Variants in NRG2 observed in about 807,000 individuals in gnomAD.
NRG2 encodes the protein pro-neuregulin-2, membrane-bound isoform.
In NRG2, 27 loss-of-function variants were observed where a neutral mutation model predicts 73.9. The observed-to-expected ratio is 0.37, with a 90% CI of 0.27 to 0.50. NRG2 has a LOEUF of 0.50. Ranked by LOEUF, NRG2 falls within the 20% of genes least tolerant of loss-of-function variation. NRG2 has a pLI of 0.96. For synonymous variants in NRG2, 532 were observed against 541.0 expected, an observed-to-expected ratio of 0.98 and a Z score of 0.23; for missense variants, 1,126 against 1,210.1, an observed-to-expected ratio of 0.93 and a Z score of 1.03.
chr5:139,960,573 A>G (rs530973587), intron 1 of NRG2, among the ~76,000 whole-genome samples: 2 of 152,300 alleles, frequency 1.3e-5, no homozygotes, highest in African/African-American at 4.8e-5. Flanking sequence ...TCCTAACTCT[A>G]TTACTTACTG....
At chr5:139,910,466 T>C (rs547034910) in intron 1 of NRG2, among the ~76,000 whole-genome samples, 2 of 152,138 alleles carry the variant, frequency 1.3e-5, no homozygotes, top group Non-Finnish European at 2.9e-5. Context: ...CCACAGACTG[T>C]GACGTTCTGA....
At position 139,894,556 on chromosome 5, in the gene NRG2, T is replaced by C. The variant is rs1238692602; in HGVS notation, c.701-7045A>G. 1.3e-5 allele frequency among the ~76,000 whole-genome samples: 2 copies of C among 151,840 alleles called. No individual in the cohort carries two copies. The highest frequency in any genetic ancestry group is 1.3e-4 in the Admixed American group (2 of 15,266). On this transcript the variant is annotated intron_variant, in intron 1 of 9. Coordinates refer to ENST00000361474, the MANE Select transcript of NRG2 (RefSeq NM_004883.3). The surrounding 1 kb of genome is among the most constrained non-coding windows in gnomAD (Gnocchi z 5.0). ...CTACCCATGGCCTGCAGAAGAGCAA[T>C]TTCACACTCACAGGACAGACTCCCA...
intron 5 of NRG2, among the ~76,000 whole-genome samples, chr5:139,863,381 G>A (rs1762274172): frequency 6.6e-6 from 1 of 152,266 alleles, no homozygotes; most frequent in Non-Finnish European, 1.5e-5. Context: ...AAAGGTAACA[G>A]TCAAGCTACT....
At chr5:139,891,342 G>C (rs1261453627) in intron 1 of NRG2, among the ~76,000 whole-genome samples, 1 of 152,190 alleles carries the variant, frequency 6.6e-6, no homozygotes, top group Non-Finnish European at 1.5e-5. Flanking sequence ...GAGCTCCAAA[G>C]TAATCGCCGG....
chr5:139,916,746 G>A (rs149371774), intron 1 of NRG2, among the ~76,000 whole-genome samples: 6 of 152,144 alleles, frequency 3.9e-5, no homozygotes, highest in African/African-American at 1.2e-4. Context: ...TTTTGTGGCC[G>A]AATAGTATTC....
At chr5:139,913,627 T>G (rs902453697) in intron 1 of NRG2, among the ~76,000 whole-genome samples, 1 of 152,252 alleles carries the variant, frequency 6.6e-6, no homozygotes, top group African/African-American at 2.4e-5. Context: ...CTCCTTGAGC[T>G]GTCAGGCTCA....
intron 1 of NRG2, among the ~76,000 whole-genome samples, chr5:140,020,180 GA>G (rs1335447574): frequency 6.6e-6 from 1 of 152,196 alleles, no homozygotes; most frequent in Non-Finnish European, 1.5e-5. Flanking sequence ...CACACCCAGA[GA>G]ATCAATAAAA....
chr5:140,003,031 CA>C (rs912784985), intron 1 of NRG2, among the ~76,000 whole-genome samples: 4 of 152,190 alleles, frequency 2.6e-5, no homozygotes, highest in Non-Finnish European at 4.4e-5. Context: ...TTACAAGAGA[CA>C]TCCAGGCAAC....
At chr5:139,922,125 A>G (rs116212488) in intron 1 of NRG2, among the ~76,000 whole-genome samples, 94 of 152,190 alleles carry the variant, frequency 6.2e-4, no homozygotes, top group African/African-American at 2.2e-3. Flanking sequence ...GATAATGTCA[A>G]GACACTAAGA....
intron 1 of NRG2, among the ~76,000 whole-genome samples, chr5:139,928,368 C>T (rs916281703): frequency 2.6e-5 from 4 of 152,174 alleles, no homozygotes; most frequent in Non-Finnish European, 4.4e-5. Flanking sequence ...CCTCTTCTCC[C>T]AGGGTTCTCT....
chr5:139,864,987 C>T (rs749246069), intron 5 of NRG2: 9 of 824,784 alleles, frequency 1.1e-5, no homozygotes, highest in Middle Eastern at 4.5e-4. Flanking sequence ...GGGGTGTTTC[C>T]GTCTCCTCTA....
intron 1 of NRG2, among the ~76,000 whole-genome samples, chr5:140,016,990 G>A (rs1258178367): frequency 1.3e-5 from 2 of 152,168 alleles, no homozygotes; most frequent in East Asian, 3.8e-4. Context: ...GAGTAGGAGT[G>A]GCAGACTTAA....
At chr5:139,944,302 T>C (rs1753637372) in intron 1 of NRG2, among the ~76,000 whole-genome samples, 1 of 152,152 alleles carries the variant, frequency 6.6e-6, no homozygotes, top group African/African-American at 2.4e-5. Flanking sequence ...AAACTATATA[T>C]TATTATTAAC....
Position 140,042,914 on chromosome 5 carries a change from G to T in NRG2, c.156C>A (p.Asn52Lys). Residue 52 changes from asparagine (N) to lysine (K), a missense_variant, in exon 1 of 10, where the codon AAC becomes AAA. Physicochemically the swap from Asn to Lys is moderately conservative, Grantham distance 94. Transcript: ENST00000361474. The stretch of plus-strand genomic sequence containing the variant: ...CAGCGGGACGAGAGATGCTGCTGTT[G>T]TTGCTGCTGCTCCTGCTGCTGCTGC... Reference protein sequence around the residue: ...ESGSSSRSSSNNSSISRPAAP... With the variant: ...ESGSSSRSSSKNSSISRPAAP... 2 of 1,538,990 alleles carry T rather than the reference G, an allele frequency of 1.3e-6. No individual in the cohort carries two copies.
At chr5:139,930,335 G>A (rs1050792915) in intron 1 of NRG2, among the ~76,000 whole-genome samples, 6 of 152,230 alleles carry the variant, frequency 3.9e-5, no homozygotes, top group Non-Finnish European at 5.9e-5. Flanking sequence ...GCAGCAAGGA[G>A]ATGATCATGT....
intron 1 of NRG2, among the ~76,000 whole-genome samples, chr5:139,961,544 C>A (rs1039446765): frequency 6.6e-6 from 1 of 152,222 alleles, no homozygotes; most frequent in Non-Finnish European, 1.5e-5. Context: ...GCGACAGCAA[C>A]CCCGTAGGGG....
intron 1 of NRG2, among the ~76,000 whole-genome samples, chr5:139,942,084 AT>A (rs1753442082): frequency 6.6e-6 from 1 of 152,216 alleles, no homozygotes; most frequent in South Asian, 2.1e-4. Context: ...ATCCAGAAAA[AT>A]ATCAATGTCA....
Position 139,852,768 on chromosome 5 carries a change from C to T in NRG2, c.1416+136G>A. The stretch of plus-strand genomic sequence containing the variant: ...AGTGAGCAAACCAAGGCCAGCCATC[C>T]TGGTGAGGCAGTGCCTAGCAGGCAA... On this transcript the variant is annotated intron_variant, in intron 7 of 9. Transcript: ENST00000361474. The surrounding 1 kb of genome is among the most constrained non-coding windows in gnomAD (Gnocchi z 4.4). 6.7e-7 allele frequency: 1 copy of T among 1,486,644 alleles called. No homozygotes were observed. Among genetic ancestry groups the T allele is most frequent in the Non-Finnish European group, 9.1e-7 (1 of 1,096,444 alleles). The allele number at this position is 1,486,644 out of a possible 1,614,324, so 92.1% of individuals were successfully genotyped here.
rs1751188624 is a variant in NRG2 at position 139,915,586 on chromosome 5, T to C, written c.701-28075A>G. Among the ~76,000 whole-genome samples the C allele has an allele frequency of 6.6e-6, 1 of 152,260 alleles. No individual in the cohort carries two copies. The highest frequency in any genetic ancestry group is 2.1e-4 in the South Asian group (1 of 4,834). On this transcript the variant is annotated intron_variant, in intron 1 of 9. Transcript: ENST00000361474. This position sits in a 1 kb window ranked among gnomAD's most constrained non-coding sequence, Gnocchi z 4.0. ...GGATTTTATTCCCAGTACTGCACTCTGACCAGGTGTCAGGCTGCACTGCCT... is the reference window on the plus strand; with the variant it reads ...GGATTTTATTCCCAGTACTGCACTCCGACCAGGTGTCAGGCTGCACTGCCT...
Sources: allele counts gnomAD v4.1 joint callset (sites outside exome capture counted in the v4.1 genomes callset), GRCh38; gene constraint gnomAD v4.1.1; non-coding constraint Gnocchi (gnomAD v3.1); transcripts MANE v1.5; gene names NCBI Gene and HGNC (gene_info 2026-07-23, HGNC 2026-07-21).